Variants in PDZD8 observed in about 807,000 individuals in gnomAD.
PDZD8 encodes PDZ domain-containing protein 8.
PDZD8 carries 14 observed loss-of-function variants against 85.8 expected under a neutral mutation model. The ratio of observed to expected loss-of-function variants is 0.16; its 90% confidence interval spans 0.11 to 0.26. The LOEUF (loss-of-function observed/expected upper bound fraction) is 0.26. Ranked by LOEUF, PDZD8 falls within the 10% of genes least tolerant of loss-of-function variation. PDZD8 has a pLI of 1.00. For synonymous variants in PDZD8, 592 were observed against 568.6 expected (o/e 1.04, Z -0.59); for missense variants, 1,197 against 1,424.3 (o/e 0.84, Z 2.57).
intron 3 of PDZD8, among the ~76,000 whole-genome samples, chr10:117,313,652 T>C (rs1011705819): frequency 2.6e-5 from 4 of 152,168 alleles, no homozygotes; most frequent in Admixed American, 1.3e-4. Flanking sequence ...TTTCTGAAAG[T>C]TGAAAATGCA....
At chr10:117,342,963 G>A (rs1008089474) in intron 1 of PDZD8, among the ~76,000 whole-genome samples, 4 of 152,054 alleles carry the variant, frequency 2.6e-5, no homozygotes, top group Non-Finnish European at 4.4e-5. Context: ...TTTCGCACTC[G>A]GCCATACATG....
chr10:117,315,918 C>G (rs1268571144), intron 3 of PDZD8, among the ~76,000 whole-genome samples: 1 of 152,006 alleles, frequency 6.6e-6, no homozygotes, highest in African/African-American at 2.4e-5. Flanking sequence ...TCTGAAAACT[C>G]CTTAAATTTC....
chr10:117,372,879 T>G (rs778001141), intron 1 of PDZD8, among the ~76,000 whole-genome samples: 1 of 152,172 alleles, frequency 6.6e-6, no homozygotes, highest in Non-Finnish European at 1.5e-5. Context: ...CAATAATCCA[T>G]TCCAAACCCA....
chr10:117,369,355 C>T (rs1040085983), intron 1 of PDZD8, among the ~76,000 whole-genome samples: 2 of 151,718 alleles, frequency 1.3e-5, no homozygotes, highest in African/African-American at 4.8e-5. Context: ...GATGGGGTTT[C>T]GCCATGTTGA....
rs1050370959 is a variant in PDZD8, at chr10:117,279,836, A to G, written c.*3432T>C. 3.9e-5 allele frequency: 6 copies of G among 152,188 alleles called. No individual in the cohort carries two copies. The highest frequency in any genetic ancestry group is 7.2e-5 in the African/African-American group (3 of 41,458). 9.4% of individuals were successfully genotyped at this position (152,188 alleles called of 1,614,324 possible). On this transcript the variant is annotated 3_prime_UTR_variant, in exon 5 of 5. Transcript: ENST00000334464. Reference sequence around the variant, plus strand: ...GTATCTTCCTGCGGTGAAAGTCCACATCTTTAATCAGATCCTAAAAGCGGA... The same window carrying G: ...GTATCTTCCTGCGGTGAAAGTCCACGTCTTTAATCAGATCCTAAAAGCGGA...
chr10:117,323,853 G>C (rs1211426379), intron 2 of PDZD8, among the ~76,000 whole-genome samples: 1 of 152,072 alleles, frequency 6.6e-6, no homozygotes, highest in Non-Finnish European at 1.5e-5. Flanking sequence ...ATATGAAGCT[G>C]TTACTGACTT....
In PDZD8 at chr10:117,335,193, T is replaced by C. The variant is rs139682441; in HGVS notation, c.995+5787A>G. Among the ~76,000 whole-genome samples, 53 of 152,308 alleles carry C rather than the reference T, an allele frequency of 3.5e-4. 1 individual carries two copies. The East Asian group carries it at 0.01, about 29-fold the overall frequency. ...AATAAAAAAAGTTGCTGACTTCTCATCAGAATATGGGATTGACATAGCCAA... is the reference window on the plus strand; with the variant it reads ...AATAAAAAAAGTTGCTGACTTCTCACCAGAATATGGGATTGACATAGCCAA... On this transcript the variant is annotated intron_variant, in intron 2 of 4. Transcript: ENST00000334464.
intron 1 of PDZD8, among the ~76,000 whole-genome samples, chr10:117,369,855 A>AT (rs1220864479): frequency 6.6e-6 from 1 of 152,174 alleles, no homozygotes; most frequent in Non-Finnish European, 1.5e-5. Flanking sequence ...AGAATTTTCC[A>AT]TTTTTTAAAC....
chr10:117,357,669 G>C (rs1270630861), intron 1 of PDZD8, among the ~76,000 whole-genome samples: 4 of 149,692 alleles, frequency 2.7e-5, no homozygotes, highest in Non-Finnish European at 4.4e-5. Flanking sequence ...GGGAGGCTGA[G>C]GCAGGAGAAT....
At chr10:117,346,798 T>C (rs1370747899) in intron 1 of PDZD8, among the ~76,000 whole-genome samples, 1 of 151,962 alleles carries the variant, frequency 6.6e-6, no homozygotes, top group African/African-American at 2.4e-5. Context: ...ACAGGCATCA[T>C]GGCCGCCGCC....
intron 3 of PDZD8, among the ~76,000 whole-genome samples, chr10:117,297,116 T>G (rs1843770851): frequency 6.6e-6 from 1 of 151,996 alleles, no homozygotes; most frequent in Non-Finnish European, 1.5e-5. Context: ...GGGCAAAAGA[T>G]TTGAACAGAT....
Position 117,340,987 on chromosome 10 carries a change from A to G in PDZD8, c.988T>C (p.Cys330Arg), listed in dbSNP as rs1315664591. ...EGRLKVTLLE[C>R]SRLLIFGSYD... ...ACAAAACAAAGAACATACCTGCTACATTCTAACAACGTAACTTTAAGACGG... is the reference window on the plus strand; with the variant it reads ...ACAAAACAAAGAACATACCTGCTACGTTCTAACAACGTAACTTTAAGACGG... The change falls in exon 2 of 5, where the codon TGT becomes CGT. Residue 330 changes from cysteine to arginine, a missense_variant. Cys to Arg is a radical substitution (Grantham distance 180). Transcript: ENST00000334464. 1 of 1,614,092 alleles carries G rather than the reference A, an allele frequency of 6.2e-7. No homozygotes were observed. The highest frequency in any genetic ancestry group is 1.7e-5 in the Admixed American group (1 of 60,030).
At chr10:117,351,697 C>G (rs1292552844) in intron 1 of PDZD8, among the ~76,000 whole-genome samples, 1 of 151,770 alleles carries the variant, frequency 6.6e-6, no homozygotes, top group Non-Finnish European at 1.5e-5. Flanking sequence ...ATGTTTTTTT[C>G]TTTTTTTGAA....
At chr10:117,362,033 G>A (rs553002131) in intron 1 of PDZD8, among the ~76,000 whole-genome samples, 1 of 152,226 alleles carries the variant, frequency 6.6e-6, no homozygotes, top group Non-Finnish European at 1.5e-5. Flanking sequence ...CTTGGATACT[G>A]AGGGATGATT....
In PDZD8 at chr10:117,284,635, A is replaced by G. The variant is rs751752728; in HGVS notation, c.2098T>C (p.Cys700Arg). The G allele has an allele frequency of 6.2e-7, 1 of 1,614,214 alleles. No individual in the cohort carries two copies. The highest frequency in any genetic ancestry group is 1.7e-5 in the Admixed American group (1 of 60,032). The change falls in exon 5 of 5, where the codon TGT becomes CGT. Residue 700 changes from cysteine (C) to arginine (R), a missense_variant. By Grantham distance (180) the Cys-to-Arg change is radical (BLOSUM62 -3). Transcript: ENST00000334464. ...TGACAGGCTTCTATGTCAAACAAAC[A>G]GGATGCTCTGGTTCTTGTCCATTTT... Reference protein sequence around the residue: ...LGKWTRTRASCLFDIEACHRY... With the variant: ...LGKWTRTRASRLFDIEACHRY...
chr10:117,350,069 G>C (rs1844777370), intron 1 of PDZD8, among the ~76,000 whole-genome samples: 1 of 152,016 alleles, frequency 6.6e-6, no homozygotes, highest in South Asian at 2.1e-4. Flanking sequence ...GCATGTGAAA[G>C]GCATTATATT....
At chr10:117,352,285 C>G (rs189826515) in intron 1 of PDZD8, among the ~76,000 whole-genome samples, 165 of 152,292 alleles carry the variant, frequency 1.1e-3, no homozygotes, top group African/African-American at 3.7e-3. Context: ...CTGTTAACTG[C>G]AGTTGAGCGT....
At chr10:117,293,591 C>T (rs922720742) in intron 3 of PDZD8, among the ~76,000 whole-genome samples, 1 of 152,102 alleles carries the variant, frequency 6.6e-6, no homozygotes, top group African/African-American at 2.4e-5. Context: ...AAGCATATCT[C>T]TTTGCAATGT....
chr10:117,288,721 T>G (rs1199911527), intron 4 of PDZD8, among the ~76,000 whole-genome samples: 1 of 152,156 alleles, frequency 6.6e-6, no homozygotes, highest in Non-Finnish European at 1.5e-5. Context: ...TTGGCCAGGC[T>G]GGTCTCGAAC....
Sources: gnomAD v4.1 joint callset for allele counts (sites outside exome capture counted in the v4.1 genomes callset) on GRCh38, gnomAD v4.1.1 for gene constraint, MANE v1.5 for transcripts, NCBI Gene and HGNC (gene_info 2026-07-23, HGNC 2026-07-21) for gene names.